Variants in STK32B observed in about 807,000 individuals in gnomAD.
STK32B encodes the protein serine/threonine kinase 32B.
Under a neutral mutation model 52.6 loss-of-function variants are expected in STK32B, and 43 were observed. The observed-to-expected ratio is 0.82, with a 90% CI of 0.64 to 1.05. The LOEUF (loss-of-function observed/expected upper bound fraction) is 1.05. Ranked by LOEUF, STK32B falls within the 50% of genes least tolerant of loss-of-function variation. The probability of loss-of-function intolerance (pLI) is 0.00; values close to 1 mark genes in which losing one functional copy is unlikely to be tolerated. For missense variants in STK32B, 621 were observed against 534.6 expected (o/e 1.16, Z -1.59); for synonymous variants, 238 against 204.3 (o/e 1.17, Z -1.41).
chr4:5,442,268 C>G (rs1714856057), intron 6 of STK32B, among the ~76,000 whole-genome samples: 1 of 148,934 alleles, frequency 6.7e-6, no homozygotes, highest in African/African-American at 2.5e-5. Context: ...TCAGGACTTG[C>G]TTCATGAATC....
intron 3 of STK32B, among the ~76,000 whole-genome samples, chr4:5,190,793 G>C (rs1233400777): frequency 6.6e-6 from 1 of 152,076 alleles, no homozygotes; most frequent in Non-Finnish European, 1.5e-5. Context: ...AGCACCTCTT[G>C]GGTTTTGTGA....
chr4:5,351,086 A>G (rs1053990574), intron 4 of STK32B, among the ~76,000 whole-genome samples: 1 of 152,012 alleles, frequency 6.6e-6, no homozygotes, highest in Admixed American at 6.6e-5. Context: ...AACAACAACA[A>G]CAACAACCAC....
intron 1 of STK32B, among the ~76,000 whole-genome samples, chr4:5,126,864 A>C (rs1056989536): frequency 6.6e-6 from 1 of 152,206 alleles, no homozygotes; most frequent in Non-Finnish European, 1.5e-5. Context: ...TTTTTAGGGA[A>C]TGAATAATAC....
chr4:5,264,638 A>G (rs527677056), intron 3 of STK32B, among the ~76,000 whole-genome samples: 4 of 151,690 alleles, frequency 2.6e-5, no homozygotes, highest in Admixed American at 2.0e-4. Flanking sequence ...TAAAAAAAAA[A>G]TAGCCGGGCA....
At chr4:5,313,118 CCACAATTACTTTTGCTCCAACCTATTAT>C (rs1344450061) in intron 3 of STK32B, among the ~76,000 whole-genome samples, 2 of 146,822 alleles carry the variant, frequency 1.4e-5, no homozygotes, top group African/African-American at 2.5e-5. Context: ...TTTTTAAAAA[CCACAATTACTTTTGCTCCAACCTATTAT>C]CAAGTAGAAT....
intron 2 of STK32B, among the ~76,000 whole-genome samples, chr4:5,167,370 T>G (rs1376358169): frequency 6.6e-6 from 1 of 152,178 alleles, no homozygotes; most frequent in African/African-American, 2.4e-5. Flanking sequence ...AGTGAGATGG[T>G]CAAGGAGATG....
At chr4:5,455,212 G>C (rs2109138733) in intron 7 of STK32B, among the ~76,000 whole-genome samples, 1 of 152,326 alleles carries the variant, frequency 6.6e-6, no homozygotes, top group Non-Finnish European at 1.5e-5. Flanking sequence ...CAAGGATCGG[G>C]ACCCCTCGCC....
intron 11 of STK32B, among the ~76,000 whole-genome samples, chr4:5,487,408 TTATAA>T (rs1440127894): frequency 3.9e-5 from 6 of 152,156 alleles, no homozygotes; most frequent in African/African-American, 1.2e-4. Flanking sequence ...TATAATACAA[TTATAA>T]TATGATAAAT....
chr4:5,423,720 G>A (rs1391303299), intron 6 of STK32B, among the ~76,000 whole-genome samples: 6 of 152,154 alleles, frequency 3.9e-5, no homozygotes, highest in African/African-American at 1.2e-4. Context: ...AGATGATGGG[G>A]CTGTTGCATT....
At chr4:5,148,650 T>A (rs1717108170) in intron 2 of STK32B, among the ~76,000 whole-genome samples, 1 of 151,842 alleles carries the variant, frequency 6.6e-6, no homozygotes, top group South Asian at 2.1e-4. Flanking sequence ...GCCCAACTTA[T>A]GATCTACCTT....
chr4:5,249,447 C>T (rs1467636289), intron 3 of STK32B, among the ~76,000 whole-genome samples: 2 of 35,452 alleles, frequency 5.6e-5, no homozygotes, highest in Non-Finnish European at 9.9e-5. Flanking sequence ...ACCTACCTTC[C>T]TTCCTTCCTT....
chr4:5,207,083 C>T (rs893314554), intron 3 of STK32B, among the ~76,000 whole-genome samples: 15 of 152,140 alleles, frequency 9.9e-5, no homozygotes, highest in South Asian at 2.1e-4. Flanking sequence ...CACAGTCACA[C>T]GCCTTCATTT....
intron 1 of STK32B, among the ~76,000 whole-genome samples, chr4:5,060,170 TAGTC>T (rs1407800579): frequency 6.6e-6 from 1 of 152,156 alleles, no homozygotes; most frequent in Admixed American, 6.5e-5. Context: ...TTTTCCACGT[TAGTC>T]AGGCTGGTCT....
At chr4:5,381,286 G>T (rs1030444360) in intron 4 of STK32B, among the ~76,000 whole-genome samples, 4 of 152,218 alleles carry the variant, frequency 2.6e-5, no homozygotes, top group African/African-American at 9.7e-5. Context: ...CCTGTTTGAT[G>T]GATGAGGAAG....
chr4:5,149,149 A>G (rs1036511562), intron 2 of STK32B, among the ~76,000 whole-genome samples: 3 of 151,872 alleles, frequency 2.0e-5, no homozygotes, highest in Non-Finnish European at 3.0e-5. Flanking sequence ...ATGAATTTAT[A>G]TAGCCGTTCT....
At chr4:5,324,518 G>A (rs1255222950) in intron 3 of STK32B, among the ~76,000 whole-genome samples, 2 of 152,116 alleles carry the variant, frequency 1.3e-5, no homozygotes, top group Non-Finnish European at 1.5e-5. Flanking sequence ...TCTTAAGCAG[G>A]GTTTTTCAAC....
chr4:5,195,684 C>G (rs188482740), intron 3 of STK32B, among the ~76,000 whole-genome samples: 3 of 152,266 alleles, frequency 2.0e-5, no homozygotes, highest in African/African-American at 4.8e-5. Flanking sequence ...GAGTGAGACT[C>G]CGTCTCAAAG....
intron 1 of STK32B, among the ~76,000 whole-genome samples, chr4:5,067,457 A>G (rs974007810): frequency 6.6e-6 from 1 of 152,158 alleles, no homozygotes; most frequent in African/African-American, 2.4e-5. Flanking sequence ...GTCTATCATT[A>G]TAGCTGCTGG....
chr4:5,166,120 G>T (rs573108032), intron 2 of STK32B, among the ~76,000 whole-genome samples: 4 of 144,008 alleles, frequency 2.8e-5, no homozygotes, highest in Admixed American at 6.8e-5. Context: ...GAGCTGAGTG[G>T]GGTCAATTTC....
Sources: allele counts gnomAD v4.1 joint callset (sites outside exome capture counted in the v4.1 genomes callset), GRCh38; gene constraint gnomAD v4.1.1; transcripts MANE v1.5; gene names NCBI Gene and HGNC (gene_info 2026-07-23, HGNC 2026-07-21).